Variants in INO80 observed in about 807,000 individuals in gnomAD.
INO80 encodes the protein chromatin-remodeling ATPase INO80.
A neutral mutation model predicts 203.4 loss-of-function variants in INO80; 20 were observed. That is an observed-to-expected ratio of 0.10 (90% CI 0.07 to 0.14). The LOEUF is 0.14. INO80 is among the 10% of genes least tolerant of loss of function. The pLI is 1.00. For missense variants in INO80, 1,419 were observed against 1,914.4 expected, an observed-to-expected ratio of 0.74 and a Z score of 4.83; for synonymous variants, 726 against 685.2, an observed-to-expected ratio of 1.06 and a Z score of -0.93.
chr15:41,096,346 C>A lies in INO80; in HGVS notation c.-36G>T, dbSNP rs751669947. ...TGTCTTCATGCACAAGGACCTCCGA[C>A]TGCACGGCTGCAGAACAGAGATAAG... On this transcript the variant is annotated 5_prime_UTR_variant, in exon 2 of 36. Transcript: ENST00000648947. 4.6e-6 allele frequency: 7 copies of A among 1,530,878 alleles called. No homozygotes were observed. The highest frequency in any genetic ancestry group is 2.4e-5 in the Admixed American group (1 of 41,486). The allele number at this position is 1,530,878 out of a possible 1,614,324, so 94.8% of individuals were successfully genotyped here.
intron 16 of INO80, 80 bp from the exon 17 acceptor site, chr15:41,056,786 A>G (rs769772281): frequency 1.6e-5 from 18 of 1,143,914 alleles, no homozygotes; most frequent in Non-Finnish European, 2.2e-5. Context: ...CATATTGACA[A>G]AAATGCCTTC....
At chr15:41,032,760 C>A (rs1241870490) in intron 24 of INO80, among the ~76,000 whole-genome samples, 1 of 152,152 alleles carries the variant, frequency 6.6e-6, no homozygotes. Flanking sequence ...AATGTTCAGG[C>A]CAGGCGTGGT....
chr15:41,066,268 G>A (rs965698609), intron 14 of INO80, among the ~76,000 whole-genome samples: 8 of 151,778 alleles, frequency 5.3e-5, no homozygotes, highest in Admixed American at 6.6e-5. Context: ...GTGAGCCACC[G>A]CACCCGGCCC....
chr15:40,985,408 T>C lies in INO80; in HGVS notation c.3851A>G (p.Glu1284Gly). Residue 1284 changes from glutamate to glycine, a missense_variant, in exon 32 of 36, where the codon GAG becomes GGG. Glu to Gly is a moderately conservative substitution (Grantham distance 98). Coordinates refer to ENST00000648947, the MANE Select transcript of INO80 (RefSeq NM_017553.3). ...GTTGGTTTCCTCCTGTTGCCGTTTC[T>C]CTTCCTGCCGCAGCCTCACTATCAA... is the stretch of plus-strand genomic sequence containing the variant. ...LEKKLRLRQE[E>G]KRQQEETNRV... 6.2e-7 allele frequency: 1 copy of C among 1,613,898 alleles called. No individual in the cohort carries two copies. The highest frequency in any genetic ancestry group is 8.5e-7 in the Non-Finnish European group (1 of 1,179,824).
At chr15:41,009,306 T>C (rs1318243810) in intron 27 of INO80, among the ~76,000 whole-genome samples, 1 of 151,212 alleles carries the variant, frequency 6.6e-6, no homozygotes, top group Non-Finnish European at 1.5e-5. Context: ...TATGTATACA[T>C]GTGCCATGCT....
intron 27 of INO80, among the ~76,000 whole-genome samples, chr15:41,014,527 C>T (rs954359810): frequency 6.6e-6 from 1 of 152,132 alleles, no homozygotes; most frequent in Admixed American, 6.5e-5. Flanking sequence ...TTAATATATA[C>T]ATCAAACACA....
chr15:40,987,220 C>T, intron 30 of INO80, 27 bp from the exon 31 acceptor site: 1 of 1,345,358 alleles, frequency 7.4e-7, no homozygotes, highest in Non-Finnish European at 1.1e-6. Context: ...CAAAATGTCA[C>T]CTCCAGGCAT....
At chr15:41,035,979 C>G (rs1470708685) in intron 24 of INO80, among the ~76,000 whole-genome samples, 2 of 149,450 alleles carry the variant, frequency 1.3e-5, no homozygotes, top group African/African-American at 4.9e-5. Context: ...AAAAACAAAA[C>G]AAAACAAAAC....
intron 1 of INO80, among the ~76,000 whole-genome samples, chr15:41,100,081 T>C (rs2045784654): frequency 1.3e-5 from 2 of 152,104 alleles, no homozygotes; most frequent in African/African-American, 4.8e-5. Flanking sequence ...TGGAATATTT[T>C]CTTTTCTTTT....
chr15:41,005,475 C>T (rs1346819076), intron 28 of INO80, 118 bp downstream of exon 28: 2 of 586,926 alleles, frequency 3.4e-6, no homozygotes, highest in East Asian at 5.8e-5. Context: ...GCAGGAATTA[C>T]ATCTTGATTC....
intron 24 of INO80, among the ~76,000 whole-genome samples, chr15:41,041,399 G>T (rs1481284994): frequency 6.6e-6 from 1 of 150,416 alleles, no homozygotes; most frequent in East Asian, 2.0e-4. Context: ...CCTCTACATT[G>T]TTGTTAATTG....
At chr15:41,102,099 G>A (rs570863337) in intron 1 of INO80, among the ~76,000 whole-genome samples, 1 of 152,044 alleles carries the variant, frequency 6.6e-6, no homozygotes, top group Admixed American at 6.6e-5. Flanking sequence ...GCTGAGGCAG[G>A]AGAATCGCTT....
intron 9 of INO80, among the ~76,000 whole-genome samples, chr15:41,076,027 A>G (rs1003019728): frequency 6.6e-6 from 1 of 152,190 alleles, no homozygotes; most frequent in African/African-American, 2.4e-5. Flanking sequence ...ATACTCCCCA[A>G]AACAATCTAC....
intron 24 of INO80, among the ~76,000 whole-genome samples, chr15:41,036,650 A>T (rs2140501489): frequency 6.6e-6 from 1 of 152,348 alleles, no homozygotes; most frequent in Admixed American, 6.5e-5. Flanking sequence ...CAATATTGTT[A>T]TTAATATTAA....
At chr15:41,032,815 G>C (rs1020507127) in intron 24 of INO80, among the ~76,000 whole-genome samples, 1 of 152,034 alleles carries the variant, frequency 6.6e-6, no homozygotes. Context: ...TGAGGAGGGC[G>C]GATCACGAGG....
intron 27 of INO80, among the ~76,000 whole-genome samples, chr15:41,013,607 T>C (rs530463328): frequency 6.6e-6 from 1 of 152,374 alleles, no homozygotes; most frequent in East Asian, 1.9e-4. Flanking sequence ...AATTAAATTC[T>C]ATTTCAGTAC....
intron 24 of INO80, among the ~76,000 whole-genome samples, chr15:41,042,603 A>G (rs1332225218): frequency 1.3e-5 from 2 of 151,916 alleles, no homozygotes; most frequent in African/African-American, 2.4e-5. Context: ...CCTCCCGAGT[A>G]GCTGGGATTA....
intron 19 of INO80, among the ~76,000 whole-genome samples, chr15:41,052,674 C>CAAAAAAAAA (rs60685375): frequency 9.3e-6 from 1 of 107,214 alleles, no homozygotes; most frequent in African/African-American, 3.3e-5. Flanking sequence ...CCTTGTCTTA[C>CAAAAAAAAA]AAAAAAAAAA....
chr15:41,021,092 C>A lies in INO80; in HGVS notation c.3082G>T (p.Asp1028Tyr). ...TAVPLDSYCN[D>Y]RSAEYERRVL... is the part of the protein sequence containing the mutation. ...CGCCTTTCATATTCTGCACTTCGGT[C>A]ATTGCAGTAAGAATCCAATGGCACT... The change falls in exon 26 of 36, where the codon GAC becomes TAC. Residue 1028 changes from aspartate (D) to tyrosine (Y), a missense_variant. Coordinates refer to ENST00000648947, the MANE Select transcript of INO80 (RefSeq NM_017553.3). 3 of 1,614,142 alleles carry A rather than the reference C, an allele frequency of 1.9e-6. No individual in the cohort carries two copies. In the South Asian group the frequency reaches 3.3e-5, roughly 18 times the overall value.
Sources: allele counts gnomAD v4.1 joint callset (sites outside exome capture counted in the v4.1 genomes callset), GRCh38; gene constraint gnomAD v4.1.1; transcripts MANE v1.5; gene names NCBI Gene and HGNC (gene_info 2026-07-23, HGNC 2026-07-21).